Variants in AGAP2 observed in about 807,000 individuals in gnomAD.
AGAP2 encodes the protein ArfGAP with GTPase domain, ankyrin repeat and PH domain 2.
Under a neutral mutation model 110.9 loss-of-function variants are expected in AGAP2, and 32 were observed. The ratio of observed to expected loss-of-function variants is 0.29; its 90% CI spans 0.22 to 0.39. AGAP2 has a LOEUF of 0.39. Ranked by LOEUF, AGAP2 falls within the 10% of genes least tolerant of loss-of-function variation. AGAP2 has a pLI of 1.00. For missense variants in AGAP2, 1,285 were observed against 1,638.5 expected (o/e 0.78, Z 3.72); for synonymous variants, 702 against 713.0 (o/e 0.98, Z 0.25).
At chr12:57,742,005 T>C, upstream of AGAP2, 1 of 1,614,170 alleles carries the variant, frequency 6.2e-7, no homozygotes, top group Non-Finnish European at 8.5e-7. Flanking sequence ...AGAGCCTGCT[T>C]GGCCACCTCA....
chr12:57,731,923 C>T lies in AGAP2; in HGVS notation c.1839G>A (p.Pro613=), dbSNP rs145122115. ...GHTSDYSSSL[P]SSPNVGHREL... is the part of the protein sequence containing the mutation. Reference sequence around the variant, plus strand: ...CCCGGTGACCAACATTCGGTGAGGACGGGAGGGAAGAAGAGTAGTCGCTAG... The same window carrying T: ...CCCGGTGACCAACATTCGGTGAGGATGGGAGGGAAGAAGAGTAGTCGCTAG... The change falls in exon 8 of 19, where the codon CCG becomes CCA. Residue 613 remains proline, a synonymous_variant. Coordinates refer to ENST00000547588, the MANE Select transcript of AGAP2 (RefSeq NM_001122772.3). 5.9e-4 allele frequency: 948 copies of T among 1,613,566 alleles called. 1 individual carries two copies. The highest frequency in any genetic ancestry group is 9.7e-4 in the Admixed American group (58 of 59,970).
chr12:57,738,992 C>A (rs913464365), upstream of AGAP2, among the ~76,000 whole-genome samples: 6 of 148,132 alleles, frequency 4.1e-5, no homozygotes, highest in East Asian at 6.1e-4. This position sits in a 1 kb window ranked among gnomAD's most constrained non-coding sequence, Gnocchi z 6.7. Flanking sequence ...CAGGCCCCCC[C>A]ACCCTATCTC....
intron 4 of AGAP2, 69 bp from the exon 5 acceptor site, chr12:57,734,242 G>A: frequency 6.2e-7 from 1 of 1,611,638 alleles, no homozygotes; most frequent in Non-Finnish European, 8.5e-7. Flanking sequence ...TCCAGATGAA[G>A]ACCTGGGAAA....
rs1483006629 is a variant in AGAP2 at position 57,730,524 on chromosome 12, T to A, written c.2399A>T (p.Asp800Val). ...GCTGAGGGCTCGGGCCAAATTCCGG[T>A]CTGGCTTCAGCAGGTGTTTGGATGT... Reference protein sequence around the residue: ...DQTSKHLLKPDRNLARALSTD... With the variant: ...DQTSKHLLKPVRNLARALSTD... The change falls in exon 12 of 19, where the codon GAC (aspartate) becomes GTC (valine). Residue 800 changes from aspartate to valine, a missense_variant. Asp to Val is a radical substitution (Grantham distance 152, BLOSUM62 -3). Around this residue, in one of 7 missense-constraint regions of AGAP2, gnomAD observed 135 missense variants for 182.0 expected, o/e 0.74. Transcript: ENST00000547588. The A allele has an allele frequency of 2.5e-6, 4 of 1,614,062 alleles. No individual in the cohort carries two copies. In the Admixed American group the frequency reaches 5.0e-5, roughly 20 times the overall value.
At position 57,729,645 on chromosome 12, in the gene AGAP2, C is replaced by T. The variant is rs763766321; in HGVS notation, c.2551G>A (p.Ala851Thr). 1.2e-6 allele frequency: 2 copies of T among 1,612,086 alleles called. No homozygotes were observed. Among genetic ancestry groups the T allele is most frequent in the South Asian group, 1.1e-5 (1 of 90,942 alleles). ...PSKTEGSAGQ[A>T]EAKRKMWKLK... is the part of the protein sequence containing the mutation. ...GTGCCTGCCAGAGCCTCACCTTCAG[C>T]CTGCCCAGCCGAGCCTTCAGTCTTG... The change falls in exon 13 of 19, where the codon GCT becomes ACT. Residue 851 changes from alanine to threonine, a missense_variant. By Grantham distance (58) the Ala-to-Thr change is moderately conservative (BLOSUM62 0). Around this residue, in one of 7 missense-constraint regions of AGAP2, gnomAD observed 135 missense variants for 182.0 expected, o/e 0.74. Coordinates refer to ENST00000547588, the MANE Select transcript of AGAP2 (RefSeq NM_001122772.3).
chr12:57,736,986 G>T, intron 1 of AGAP2, 93 bp downstream of exon 1: 2 of 1,442,020 alleles, frequency 1.4e-6, no homozygotes, highest in Non-Finnish European at 9.1e-7. Context: ...CCAGAGAAAA[G>T]CTTCCCTAGT....
chr12:57,731,759 C>T, intron 8 of AGAP2, 50 bp downstream of exon 8: 1 of 1,563,562 alleles, frequency 6.4e-7, no homozygotes, highest in Non-Finnish European at 8.7e-7. Context: ...GGAAGATGGG[C>T]AGGTCATGGG....
At chr12:57,734,197 T>C (rs774970869) in intron 4 of AGAP2, 24 bp from the exon 5 acceptor site, 1 of 1,603,666 alleles carries the variant, frequency 6.2e-7, no homozygotes. Context: ...AGGGAGCAAA[T>C]GGAAAGTCAG....
rs756721349 is a variant in AGAP2, at chr12:57,727,479, G to A, written c.2961C>T (p.Asp987=). The A allele has an allele frequency of 2.5e-5, 40 of 1,610,980 alleles. No individual in the cohort carries two copies. The highest frequency in any genetic ancestry group is 3.1e-5 in the Non-Finnish European group (36 of 1,179,040). The stretch of plus-strand genomic sequence containing the variant: ...TCAGCTCCCGTGGCCAGTCGTCCAA[G>A]TCCAGCGAGCGAACGCGGGACAGGT... ...GTHLSRVRSL[D]LDDWPRELTL... is the part of the protein sequence containing the mutation. Residue 987 remains aspartate, a synonymous_variant, in exon 17 of 19, where the codon GAC becomes GAT. Coordinates refer to ENST00000547588, the MANE Select transcript of AGAP2 (RefSeq NM_001122772.3).
chr12:57,732,694 C>T, intron 6 of AGAP2, 151 bp downstream of exon 6: 1 of 1,447,286 alleles, frequency 6.9e-7, no homozygotes, highest in Non-Finnish European at 9.3e-7. Flanking sequence ...GACTATTAAG[C>T]AAACCTTCTC....
At chr12:57,740,833 A>G (rs1222457510), upstream of AGAP2, among the ~76,000 whole-genome samples, 2 of 152,166 alleles carry the variant, frequency 1.3e-5, no homozygotes, top group Non-Finnish European at 2.9e-5. Flanking sequence ...CTGTCCCACT[A>G]GGCATCCAAA....
chr12:57,731,281 G>T, intron 10 of AGAP2, 85 bp downstream of exon 10: 1 of 1,148,542 alleles, frequency 8.7e-7, no homozygotes. Context: ...CTAGAAATGA[G>T]GTTAGTGCTT....
In AGAP2 at chr12:57,729,838, C is replaced by T. The variant is rs568177535; in HGVS notation, c.2429-71G>A. On this transcript the variant is annotated intron_variant, in intron 12 of 18. Transcript: ENST00000547588. ...TTCCTGATTTCTTGATAGCCTGTCT[C>T]ATTCCCTGAACTAGCTTTGGCATTT... 35 of 1,534,614 alleles carry T rather than the reference C, an allele frequency of 2.3e-5. No homozygotes were observed. In the South Asian group the frequency reaches 4.3e-4, roughly 19 times the overall value.
Position 57,734,161 on chromosome 12 carries a change from C to T in AGAP2, c.1414G>A (p.Ala472Thr), listed in dbSNP as rs541356783. ...GAPDAKFSGW[A>T]DAVIFVFSLE... ...CTGAAGACGAAGATCACAGCATCTG[C>T]CCAGCCTGAGAACTTGCGGGGAGTG... The change falls in exon 5 of 19, where the codon GCA (alanine) becomes ACA (threonine). Residue 472 changes from alanine to threonine, a missense_variant. Ala to Thr is a moderately conservative substitution (Grantham distance 58, BLOSUM62 0). Around this residue, in one of 7 missense-constraint regions of AGAP2, gnomAD observed 844 missense variants for 941.2 expected, o/e 0.90. Transcript: ENST00000547588. The T allele has an allele frequency of 1.2e-5, 19 of 1,610,642 alleles. No individual in the cohort carries two copies. The East Asian group carries it at 3.6e-4, about 30-fold the overall frequency.
rs767794913 is a variant in AGAP2 at position 57,732,554 on chromosome 12, C to T, written c.1685-42G>A. On this transcript the variant is annotated intron_variant, in intron 6 of 18. Transcript: ENST00000547588. The stretch of plus-strand genomic sequence containing the variant: ...GAAGGAGGTGTGAGCAGGCCAGATA[C>T]CCAAGACCACCCTTCCATGCCCAGC... The T allele has an allele frequency of 4.0e-6, 6 of 1,512,660 alleles. No individual in the cohort carries two copies. In the African/African-American group the frequency reaches 6.9e-5, roughly 17 times the overall value. The allele number at this position is 1,512,660 out of a possible 1,614,324, so 93.7% of individuals were successfully genotyped here. A position where few individuals can be genotyped will look rare whatever the true frequency, so the allele number is the denominator to read the frequency against.
upstream of AGAP2, among the ~76,000 whole-genome samples, chr12:57,738,944 T>A (rs965695898): frequency 1.3e-5 from 2 of 151,894 alleles, no homozygotes; most frequent in Non-Finnish European, 2.9e-5. The surrounding 1 kb of genome is among the most constrained non-coding windows in gnomAD (Gnocchi z 6.7). Flanking sequence ...GCGCGCTGTG[T>A]CCGGGCGCTC....
At position 57,737,247 on chromosome 12, in the gene AGAP2, C is replaced by T. The variant is rs1331963125; in HGVS notation, c.1000G>A (p.Gly334Arg). ...PAPGLKRGRE[G>R]GRASTRDRKM... ...CGGTCACGAGTGGATGCTCGGCCCCCCTCCCGGCCCCGTTTCAGCCCCGGA... is the reference window on the plus strand; with the variant it reads ...CGGTCACGAGTGGATGCTCGGCCCCTCTCCCGGCCCCGTTTCAGCCCCGGA... The change falls in exon 1 of 19, where the codon GGG becomes AGG. Residue 334 changes from glycine to arginine, a missense_variant. This residue lies in a region of AGAP2 where 844 missense variants were observed against 941.2 expected (regional missense o/e 0.90). Coordinates refer to ENST00000547588, the MANE Select transcript of AGAP2 (RefSeq NM_001122772.3). This position sits in a 1 kb window ranked among gnomAD's most constrained non-coding sequence, Gnocchi z 5.9. The T allele has an allele frequency of 1.2e-6, 2 of 1,612,360 alleles. No individual in the cohort carries two copies. Among genetic ancestry groups the T allele is most frequent in the Non-Finnish European group, 1.7e-6 (2 of 1,179,494 alleles).
In AGAP2 at chr12:57,730,959, G is replaced by T; in HGVS notation, c.2146-6C>A. ...TGGGTACTGTGGATGTAATCCTGGA[G>T]GGGTACAGGGCCGAGAGTGTAGGGA... On this transcript the variant is annotated splice_region_variant and splice_polypyrimidine_tract_variant and intron_variant, in intron 10 of 18. Coordinates refer to ENST00000547588, the MANE Select transcript of AGAP2 (RefSeq NM_001122772.3). The T allele has an allele frequency of 6.5e-7, 1 of 1,527,770 alleles. No individual in the cohort carries two copies. 94.6% of individuals were successfully genotyped at this position (1,527,770 alleles called of 1,614,324 possible). A position where few individuals can be genotyped will look rare whatever the true frequency, so the allele number is the denominator to read the frequency against.
At chr12:57,735,323 GTGGGAGGTCAGCCT>G in intron 2 of AGAP2, 32 bp downstream of exon 2, 2 of 1,554,290 alleles carry the variant, frequency 1.3e-6, no homozygotes, top group Non-Finnish European at 1.8e-6. Flanking sequence ...AGTGCAGTGG[GTGGGAGGTCAGCCT>G]TCCCTATAGG....
Sources: gnomAD v4.1 joint callset for allele counts (sites outside exome capture counted in the v4.1 genomes callset) on GRCh38, gnomAD v4.1.1 for gene constraint, gnomAD v4.1.1 regional missense constraint, Gnocchi (gnomAD v3.1) non-coding constraint, MANE v1.5 for transcripts, NCBI Gene and HGNC (gene_info 2026-07-23, HGNC 2026-07-21) for gene names.